PLAG1: variants seen among roughly 807,000 people sequenced by gnomAD.
PLAG1 encodes PLAG1 zinc finger.
Under a neutral mutation model 35.5 loss-of-function variants are expected in PLAG1, and 7 were observed. The observed-to-expected ratio is 0.20, with a 90% confidence interval of 0.11 to 0.37. The LOEUF (loss-of-function observed/expected upper bound fraction) is 0.37. Ranked by LOEUF, PLAG1 falls within the 10% of genes least tolerant of loss-of-function variation. The pLI is 1.00. For synonymous variants in PLAG1, 229 were observed against 225.4 expected (o/e 1.02, Z -0.14); for missense variants, 454 against 602.8 (o/e 0.75, Z 2.58).
intron 2 of PLAG1, among the ~76,000 whole-genome samples, chr8:56,173,994 T>G (rs1283557891): frequency 1.3e-5 from 2 of 152,318 alleles, no homozygotes; most frequent in Non-Finnish European, 1.5e-5. Flanking sequence ...TTATTTTAAA[T>G]TCCATAGTTC....
chr8:56,208,502 G>A (rs1475808685), intron 1 of PLAG1, among the ~76,000 whole-genome samples: 2 of 152,156 alleles, frequency 1.3e-5, no homozygotes, highest in East Asian at 3.8e-4. Flanking sequence ...GAACTCAGTT[G>A]TAAACACAAG....
At chr8:56,202,504 T>C (rs896715068) in intron 1 of PLAG1, among the ~76,000 whole-genome samples, 9 of 152,244 alleles carry the variant, frequency 5.9e-5, no homozygotes, top group African/African-American at 1.9e-4. Context: ...TGCGGGTATT[T>C]TGGCTTCAAT....
chr8:56,209,984 G>A (rs1812812329), intron 1 of PLAG1, among the ~76,000 whole-genome samples: 2 of 152,120 alleles, frequency 1.3e-5, no homozygotes, highest in South Asian at 2.1e-4. Context: ...TTATAAAATA[G>A]CAAATATAGT....
chr8:56,181,634 TG>T (rs1811866684), intron 1 of PLAG1, among the ~76,000 whole-genome samples: 1 of 152,104 alleles, frequency 6.6e-6, no homozygotes, highest in Non-Finnish European at 1.5e-5. Context: ...GACGGGTTGA[TG>T]GGTGCAACAA....
intron 1 of PLAG1, among the ~76,000 whole-genome samples, chr8:56,190,071 G>A (rs908716751): frequency 1.3e-5 from 2 of 152,140 alleles, no homozygotes; most frequent in Non-Finnish European, 2.9e-5. Context: ...CTCGGCCTTG[G>A]GTAAATGACT....
At chr8:56,182,930 T>G (rs1811914736) in intron 1 of PLAG1, among the ~76,000 whole-genome samples, 1 of 152,186 alleles carries the variant, frequency 6.6e-6, no homozygotes, top group South Asian at 2.1e-4. Context: ...GGGAGGTATG[T>G]TCATCCTGCT....
intron 1 of PLAG1, among the ~76,000 whole-genome samples, chr8:56,208,404 T>A (rs191850779): frequency 6.6e-6 from 1 of 152,258 alleles, no homozygotes; most frequent in African/African-American, 2.4e-5. Context: ...AAAGTTGTAA[T>A]TGCTTCCAAA....
chr8:56,189,426 C>A (rs960095945), intron 1 of PLAG1, among the ~76,000 whole-genome samples: 1 of 152,120 alleles, frequency 6.6e-6, no homozygotes, highest in African/African-American at 2.4e-5. Flanking sequence ...AGTATAGACC[C>A]CCTATCTGCA....
At chr8:56,202,117 T>C (rs1014304287) in intron 1 of PLAG1, among the ~76,000 whole-genome samples, 1 of 152,180 alleles carries the variant, frequency 6.6e-6, no homozygotes, top group African/African-American at 2.4e-5. Context: ...AATTCTACTT[T>C]ATTTCAGTGA....
chr8:56,201,965 T>C (rs1458872870), intron 1 of PLAG1, among the ~76,000 whole-genome samples: 2 of 151,644 alleles, frequency 1.3e-5, no homozygotes, highest in East Asian at 3.9e-4. Context: ...GGGCTCTTTT[T>C]TTTTTTTTTT....
intron 1 of PLAG1, among the ~76,000 whole-genome samples, chr8:56,185,619 T>C (rs1342313354): frequency 6.6e-6 from 1 of 152,158 alleles, no homozygotes; most frequent in Non-Finnish European, 1.5e-5. Context: ...CAGACCTTAC[T>C]AGAAAAGGAT....
intron 1 of PLAG1, among the ~76,000 whole-genome samples, chr8:56,187,324 G>T (rs899514055): frequency 6.6e-6 from 1 of 152,190 alleles, no homozygotes; most frequent in African/African-American, 2.4e-5. Context: ...CTTGGAGAGG[G>T]CCCGAAAACA....
chr8:56,169,822 G>A (rs892165311), intron 3 of PLAG1, among the ~76,000 whole-genome samples: 1 of 152,196 alleles, frequency 6.6e-6, no homozygotes, highest in Non-Finnish European at 1.5e-5. Context: ...GGGATTATAG[G>A]CGTGAGCCGC....
intron 1 of PLAG1, among the ~76,000 whole-genome samples, chr8:56,181,148 A>G (rs943315875): frequency 3.9e-5 from 6 of 152,248 alleles, no homozygotes; most frequent in African/African-American, 1.2e-4. Context: ...CCATTGTGGA[A>G]GACAGTTTGG....
chr8:56,200,209 C>T (rs758632259), intron 1 of PLAG1, among the ~76,000 whole-genome samples: 2 of 152,198 alleles, frequency 1.3e-5, no homozygotes, highest in Non-Finnish European at 2.9e-5. Context: ...AGTCTAATTC[C>T]CCCAAGTGGT....
At chr8:56,183,626 T>C (rs898774089) in intron 1 of PLAG1, among the ~76,000 whole-genome samples, 10 of 152,236 alleles carry the variant, frequency 6.6e-5, no homozygotes, top group South Asian at 4.1e-4. Flanking sequence ...ATTAGGAAGA[T>C]ATAAGCTTTA....
intron 1 of PLAG1, among the ~76,000 whole-genome samples, chr8:56,184,815 G>T (rs56224379): frequency 0.16 from 23,598 of 152,038 alleles, 2,171 homozygotes; most frequent in Non-Finnish European, 0.21. Context: ...TACTCCAGAG[G>T]CTGAGGCAAG....
intron 1 of PLAG1, among the ~76,000 whole-genome samples, chr8:56,196,708 G>A (rs532646718): frequency 6.6e-6 from 1 of 152,240 alleles, no homozygotes; most frequent in Admixed American, 6.5e-5. Flanking sequence ...TGCCCTTGGT[G>A]TGCTGTCCTT....
At chr8:56,179,922 T>A (rs780935577) in intron 1 of PLAG1, among the ~76,000 whole-genome samples, 1 of 152,100 alleles carries the variant, frequency 6.6e-6, no homozygotes, top group Non-Finnish European at 1.5e-5. Flanking sequence ...GCCCCATGAG[T>A]GCTTTCCTCA....
Sources: allele counts gnomAD v4.1 joint callset (sites outside exome capture counted in the v4.1 genomes callset), GRCh38; gene constraint gnomAD v4.1.1; transcripts MANE v1.5; gene names NCBI Gene and HGNC (gene_info 2026-07-23, HGNC 2026-07-21).